DAB1: variants seen among roughly 807,000 people sequenced by gnomAD.
DAB1 encodes DAB adaptor protein 1.
In DAB1, 15 loss-of-function variants were observed where a neutral mutation model predicts 64.6. The ratio of observed to expected loss-of-function variants is 0.23; its 90% confidence interval spans 0.16 to 0.36. The LOEUF is 0.36. Ranked by LOEUF, DAB1 falls within the 10% of genes least tolerant of loss-of-function variation. The pLI is 1.00. For synonymous variants in DAB1, 235 were observed against 251.9 expected (o/e 0.93, Z 0.64); for missense variants, 596 against 706.7 (o/e 0.84, Z 1.78).
At chr1:57,471,833 G>A (rs1257025678) in intron 7 of DAB1, among the ~76,000 whole-genome samples, 1 of 152,170 alleles carries the variant, frequency 6.6e-6, no homozygotes. Context: ...TCATATATCT[G>A]TATTATACAC....
intron 4 of DAB1, among the ~76,000 whole-genome samples, chr1:58,236,577 T>C (rs548639690): frequency 6.6e-6 from 1 of 152,286 alleles, no homozygotes; most frequent in East Asian, 1.9e-4. Flanking sequence ...AGGTGATTAT[T>C]TACAGAAATA....
At chr1:57,112,254 A>G (rs1375987023) in intron 4 of DAB1, among the ~76,000 whole-genome samples, 1 of 152,248 alleles carries the variant, frequency 6.6e-6, no homozygotes, top group African/African-American at 2.4e-5. Context: ...TCAGACTGAC[A>G]GCCAAAGACA....
chr1:57,626,993 T>A (rs898847406), intron 7 of DAB1, among the ~76,000 whole-genome samples: 2 of 152,180 alleles, frequency 1.3e-5, no homozygotes, highest in Admixed American at 1.3e-4. Flanking sequence ...CACAGACTAC[T>A]ACTTCTGGGG....
Position 57,990,712 on chromosome 1 carries a change from T to C in DAB1, n.388-106550A>G, listed in dbSNP as rs538012305. On this transcript the variant is annotated intron_variant and non_coding_transcript_variant, in intron 5 of 20. Coordinates refer to the DAB1 transcript ENST00000485760. ...AGGAGGCAGTGGGCAATATGGGGAA[T>C]CTAGGGGCAGCAGTATGCTGGTCCC... is the stretch of plus-strand genomic sequence containing the variant. 5.3e-5 allele frequency among the ~76,000 whole-genome samples: 8 copies of C among 152,132 alleles called. 1 individual carries two copies. The South Asian group carries it at 1.5e-3, about 28-fold the overall frequency.
chr1:58,043,157 A>G (rs553432275), intron 5 of DAB1, among the ~76,000 whole-genome samples: 116 of 152,328 alleles, frequency 7.6e-4, no homozygotes, highest in African/African-American at 2.7e-3. Context: ...CTGTTAACAC[A>G]AGGTAGTAAG....
chr1:58,347,176 C>T (rs1232728895), intron 3 of DAB1, among the ~76,000 whole-genome samples: 6 of 152,144 alleles, frequency 3.9e-5, no homozygotes, highest in African/African-American at 1.4e-4. Flanking sequence ...GACACAATCT[C>T]GGCTCACCAC....
At chr1:57,647,285 C>T (rs938842276) in intron 7 of DAB1, among the ~76,000 whole-genome samples, 12 of 152,136 alleles carry the variant, frequency 7.9e-5, no homozygotes, top group Non-Finnish European at 1.6e-4. Flanking sequence ...CCTCCACTAC[C>T]TTCAGCAATG....
chr1:58,535,079 T>G (rs1225918389), intron 1 of DAB1, among the ~76,000 whole-genome samples: 1 of 152,146 alleles, frequency 6.6e-6, no homozygotes, highest in African/African-American at 2.4e-5. Context: ...AAATAGACAT[T>G]TCATTAATTT....
chr1:58,506,254 G>T, intron 2 of DAB1: 2 of 808,314 alleles, frequency 2.5e-6, no homozygotes, highest in South Asian at 1.6e-5. Flanking sequence ...TCAGTTTTGA[G>T]GATTTTTTAA....
At chr1:57,662,319 C>T (rs1646396635) in intron 6 of DAB1, among the ~76,000 whole-genome samples, 1 of 152,144 alleles carries the variant, frequency 6.6e-6, no homozygotes, top group South Asian at 2.1e-4. Flanking sequence ...CCTCAGCCTT[C>T]CTTTGTAGCT....
chr1:57,876,803 AC>A (rs1644054931), intron 1 of DAB1: 1 of 152,190 alleles, frequency 6.6e-6, no homozygotes, highest in Non-Finnish European at 1.5e-5. Context: ...AGAAAAGAAG[AC>A]AGGAGAAACT....
upstream of DAB1, among the ~76,000 whole-genome samples, chr1:57,426,874 A>ATATATTTTAT (rs57970737): frequency 9.1e-3 from 1,356 of 149,254 alleles, 20 homozygotes; most frequent in African/African-American, 0.032. Context: ...ATATATATAT[A>ATATATTTTAT]TTTTTTTGAG....
intron 1 of DAB1, among the ~76,000 whole-genome samples, chr1:58,543,889 T>C (rs771815677): frequency 6.6e-5 from 10 of 152,222 alleles, no homozygotes; most frequent in Non-Finnish European, 1.0e-4. Flanking sequence ...AGGTAGCCCC[T>C]ACATGTGGCT....
intron 6 of DAB1, among the ~76,000 whole-genome samples, chr1:57,815,491 T>C (rs1171546451): frequency 6.6e-6 from 1 of 152,208 alleles, no homozygotes; most frequent in Non-Finnish European, 1.5e-5. Flanking sequence ...AATTCTTTTT[T>C]CGCTTATATA....
At chr1:57,087,820 T>C (rs1557696749) in intron 4 of DAB1, among the ~76,000 whole-genome samples, 1 of 152,212 alleles carries the variant, frequency 6.6e-6, no homozygotes, top group African/African-American at 2.4e-5. Flanking sequence ...CAATGACTCA[T>C]TATCTAGCCA....
chr1:57,482,475 T>C (rs1425321355), intron 7 of DAB1, among the ~76,000 whole-genome samples: 1 of 112,726 alleles, frequency 8.9e-6, no homozygotes, highest in African/African-American at 3.9e-5. Flanking sequence ...AGCTGAAAGT[T>C]GTAAAAAAAA....
At chr1:57,662,123 T>G (rs1420890250) in intron 6 of DAB1, among the ~76,000 whole-genome samples, 2 of 152,210 alleles carry the variant, frequency 1.3e-5, no homozygotes, top group East Asian at 1.9e-4. Flanking sequence ...CCACTTTTTT[T>G]GGGTAAAGAA....
rs114098991 is a variant in DAB1 at position 57,985,370 on chromosome 1, C to T, written n.388-101208G>A. 9.4e-3 allele frequency among the ~76,000 whole-genome samples: 1,432 copies of T among 152,222 alleles called. 12 individuals are homozygous for T. Among genetic ancestry groups the T allele is most frequent in the Admixed American group, 0.018 (280 of 15,298 alleles). ...GGTATTTATCTCTGTATCTTAGCAC[C>T]TATCACTGTGCCTGGAACATGTTTG... On this transcript the variant is annotated intron_variant and non_coding_transcript_variant, in intron 5 of 20. Transcript: ENST00000485760.
chr1:57,507,977 CT>C (rs1644364491), intron 7 of DAB1, among the ~76,000 whole-genome samples: 1 of 152,146 alleles, frequency 6.6e-6, no homozygotes, highest in Non-Finnish European at 1.5e-5. Context: ...TTCCTGAGTC[CT>C]ATCCCCAGAG....
Sources: gnomAD v4.1 joint callset for allele counts (sites outside exome capture counted in the v4.1 genomes callset) on GRCh38, gnomAD v4.1.1 for gene constraint, MANE v1.5 for transcripts, NCBI Gene and HGNC (gene_info 2026-07-23, HGNC 2026-07-21) for gene names.